The following HERC4 variants were observed in gnomAD, a reference collection of about 807,000 sequenced individuals.
HERC4 encodes the protein probable E3 ubiquitin-protein ligase HERC4.
HERC4 carries 28 observed loss-of-function variants against 124.3 expected under a neutral mutation model. The ratio of observed to expected loss-of-function variants is 0.23; its 90% confidence interval spans 0.17 to 0.31. The LOEUF is 0.31. Ranked by LOEUF, HERC4 falls within the 10% of genes least tolerant of loss-of-function variation. The pLI, the probability that HERC4 is intolerant of heterozygous loss-of-function variation, is 1.00. For synonymous variants in HERC4, 407 were observed against 421.5 expected (o/e 0.97, Z 0.42); for missense variants, 713 against 1,229.3 (o/e 0.58, Z 6.28).
At chr10:67,947,839 C>CT (rs34189806) in intron 19 of HERC4, among the ~76,000 whole-genome samples, 2,643 of 107,412 alleles carry the variant, frequency 0.025, 51 homozygotes, top group South Asian at 0.032. Context: ...ACAATACACT[C>CT]TTTTTTTTTT....
chr10:67,938,182 C>G (rs1446387250), intron 21 of HERC4, among the ~76,000 whole-genome samples: 1 of 151,808 alleles, frequency 6.6e-6, no homozygotes, highest in Non-Finnish European at 1.5e-5. Flanking sequence ...GTGGCTCACG[C>G]CTGTAATCCC....
At chr10:68,013,887 T>C in intron 9 of HERC4, 139 bp downstream of exon 9, 1 of 650,594 alleles carries the variant, frequency 1.5e-6, no homozygotes, top group South Asian at 2.6e-5. Context: ...CAAACAACCA[T>C]ATACATTGTT....
chr10:67,971,936 A>T (rs1465971424), intron 15 of HERC4, among the ~76,000 whole-genome samples: 1 of 152,202 alleles, frequency 6.6e-6, no homozygotes, highest in Non-Finnish European at 1.5e-5. Flanking sequence ...TCTCTAGGCC[A>T]GGTACAGTGG....
At position 67,922,411 on chromosome 10, in the gene HERC4, G is replaced by C. The variant is rs1242282517; in HGVS notation, c.*520C>G. ...TTTTTTTTCTTTTTATAGAGTCTCAGAGTAAGATTTAAATCATAATTTTTA... is the reference window on the plus strand; with the variant it reads ...TTTTTTTTCTTTTTATAGAGTCTCACAGTAAGATTTAAATCATAATTTTTA... On this transcript the variant is annotated 3_prime_UTR_variant, in exon 25 of 25. Coordinates refer to ENST00000373700, the MANE Select transcript of HERC4 (RefSeq NM_015601.4). 6.6e-6 allele frequency: 1 copy of C among 152,022 alleles called. No individual in the cohort carries two copies. Among genetic ancestry groups the C allele is most frequent in the African/African-American group, 2.4e-5 (1 of 41,410 alleles). 9.4% of individuals were successfully genotyped at this position (152,022 alleles called of 1,614,324 possible).
intron 24 of HERC4, among the ~76,000 whole-genome samples, chr10:67,924,074 CCAAA>C (rs2030569599): frequency 6.6e-6 from 1 of 152,052 alleles, no homozygotes; most frequent in African/African-American, 2.4e-5. Context: ...AAAATGAAGA[CCAAA>C]CAGAGAAAAG....
intron 5 of HERC4, among the ~76,000 whole-genome samples, chr10:68,034,390 A>G (rs2039354008): frequency 6.6e-6 from 1 of 152,204 alleles, no homozygotes; most frequent in African/African-American, 2.4e-5. Flanking sequence ...AACATTCAGT[A>G]TTAGTACACT....
At chr10:67,979,859 C>A (rs2035821600) in intron 15 of HERC4, among the ~76,000 whole-genome samples, 1 of 151,934 alleles carries the variant, frequency 6.6e-6, no homozygotes, top group Non-Finnish European at 1.5e-5. Context: ...ATGGCGTGAA[C>A]CTGAGAGGTG....
chr10:68,049,599 A>AAAAC (rs2040188097), intron 3 of HERC4, among the ~76,000 whole-genome samples: 1 of 150,550 alleles, frequency 6.6e-6, no homozygotes, highest in Admixed American at 6.6e-5. Context: ...ACAAAAAAAA[A>AAAAC]AAAAAAAAAA....
rs760940404 is a variant in HERC4, at chr10:67,988,850, T to A, written c.1634-15A>T. The A allele has an allele frequency of 2.6e-6, 4 of 1,562,976 alleles. No homozygotes were observed. In the South Asian group the frequency reaches 4.8e-5, roughly 19 times the overall value. On this transcript the variant is annotated splice_polypyrimidine_tract_variant and intron_variant, in intron 14 of 24. Transcript: ENST00000373700. ...CCACCAGTTTTCTGTTATTAAAAAG[T>A]GAACATGCAAATAAAATGAATTTTT... is the stretch of plus-strand genomic sequence containing the variant.
intron 7 of HERC4, among the ~76,000 whole-genome samples, chr10:68,028,000 A>ATG (rs1324991136): frequency 1.4e-5 from 2 of 147,464 alleles, no homozygotes; most frequent in African/African-American, 4.9e-5. Flanking sequence ...TTATATATAT[A>ATG]TATATATAAT....
At chr10:68,025,232 GAAAGA>G (rs143956120) in intron 8 of HERC4, among the ~76,000 whole-genome samples, 160 of 150,656 alleles carry the variant, frequency 1.1e-3, no homozygotes, top group Non-Finnish European at 1.9e-3. Context: ...CCCCAAAAAG[GAAAGA>G]AAAGAAAAGA....
intron 15 of HERC4, among the ~76,000 whole-genome samples, chr10:67,978,091 C>T (rs2035705697): frequency 6.6e-6 from 1 of 152,086 alleles, no homozygotes; most frequent in African/African-American, 2.4e-5. Context: ...GCCTGGCCAA[C>T]ATGGTGAAAC....
At chr10:67,933,610 T>A (rs752483097) in intron 22 of HERC4, among the ~76,000 whole-genome samples, 38 of 151,728 alleles carry the variant, frequency 2.5e-4, no homozygotes, top group African/African-American at 8.5e-4. Context: ...CAGAACCAAG[T>A]TTTTTTTTAA....
chr10:68,034,294 C>A, intron 5 of HERC4, 108 bp from the exon 6 acceptor site: 1 of 771,822 alleles, frequency 1.3e-6, no homozygotes, highest in Non-Finnish European at 2.1e-6. Context: ...TATTTTGGGA[C>A]ATTCTGCCTA....
intron 23 of HERC4, among the ~76,000 whole-genome samples, chr10:67,932,111 C>T (rs1025771671): frequency 6.6e-6 from 1 of 152,062 alleles, no homozygotes; most frequent in Non-Finnish European, 1.5e-5. Context: ...GCACGTGCCA[C>T]CACACCCAGC....
intron 23 of HERC4, among the ~76,000 whole-genome samples, chr10:67,927,964 G>C (rs2031328239): frequency 6.6e-6 from 1 of 152,164 alleles, no homozygotes; most frequent in Non-Finnish European, 1.5e-5. Context: ...GGGGAGACAG[G>C]ATACGTGTGC....
intron 9 of HERC4, among the ~76,000 whole-genome samples, chr10:68,006,303 A>G (rs1283122003): frequency 2.7e-5 from 4 of 147,310 alleles, no homozygotes; most frequent in Admixed American, 6.8e-5. Context: ...AGAATGAAAA[A>G]CTCCCTTTAG....
At chr10:68,059,864 A>AT (rs1404250042) in intron 3 of HERC4, among the ~76,000 whole-genome samples, 2 of 95,582 alleles carry the variant, frequency 2.1e-5, no homozygotes, top group Non-Finnish European at 3.5e-5. Context: ...TCATAATATT[A>AT]TATATTATAA....
chr10:67,934,808 T>C (rs2132064507), intron 22 of HERC4, among the ~76,000 whole-genome samples: 1 of 152,250 alleles, frequency 6.6e-6, no homozygotes, highest in African/African-American at 2.4e-5. Flanking sequence ...TCCCTTTGAC[T>C]GAAAATTTTG....
Sources: gnomAD v4.1 joint callset for allele counts (sites outside exome capture counted in the v4.1 genomes callset) on GRCh38, gnomAD v4.1.1 for gene constraint, MANE v1.5 for transcripts, NCBI Gene and HGNC (gene_info 2026-07-23, HGNC 2026-07-21) for gene names.